TENM2: variants seen among roughly 807,000 people sequenced by gnomAD.
TENM2 encodes the protein teneurin transmembrane protein 2.
A neutral mutation model predicts 245.2 loss-of-function variants in TENM2; 52 were observed. The ratio of observed to expected loss-of-function variants is 0.21; its 90% CI spans 0.17 to 0.27. The LOEUF (loss-of-function observed/expected upper bound fraction) is 0.27. TENM2 is among the 10% of genes least tolerant of loss of function. TENM2 has a pLI of 1.00. For synonymous variants in TENM2, 1,363 were observed against 1,438.9 expected (o/e 0.95, Z 1.19); for missense variants, 3,046 against 3,666.8 (o/e 0.83, Z 4.37).
the TENM2 span, among the ~76,000 whole-genome samples, chr5:167,160,245 A>G: frequency 6.6e-6 from 1 of 152,226 alleles, no homozygotes; most frequent in Admixed American, 6.5e-5. Context: ...CCTGAATCAG[A>G]TAACGCCAAG....
intron 6 of TENM2, among the ~76,000 whole-genome samples, chr5:168,048,704 A>G (rs1788827875): frequency 6.6e-6 from 1 of 152,190 alleles, no homozygotes; most frequent in Non-Finnish European, 1.5e-5. Flanking sequence ...AGAGGTGCAC[A>G]TTAGTCATCC....
At chr5:167,113,842 A>T in the TENM2 span, among the ~76,000 whole-genome samples, 1 of 152,190 alleles carries the variant, frequency 6.6e-6, no homozygotes, top group Non-Finnish European at 1.5e-5. Context: ...TCTGATCCTT[A>T]GTCCTAGAAG....
intron 2 of TENM2, among the ~76,000 whole-genome samples, chr5:167,474,515 T>C (rs1266491053): frequency 3.6e-5 from 4 of 110,742 alleles, no homozygotes; most frequent in Admixed American, 2.3e-4. Flanking sequence ...TTTAAATAAG[T>C]AGACTTTTTT....
At chr5:168,173,877 T>C (rs1759084537) in intron 13 of TENM2, among the ~76,000 whole-genome samples, 1 of 151,986 alleles carries the variant, frequency 6.6e-6, no homozygotes, top group Non-Finnish European at 1.5e-5. Context: ...TAAAAAGGAA[T>C]TAGGCAAGGA....
chr5:167,174,876 T>G, the TENM2 span, among the ~76,000 whole-genome samples: 2 of 139,780 alleles, frequency 1.4e-5, no homozygotes, highest in Non-Finnish European at 1.5e-5. Flanking sequence ...ATATTCAACT[T>G]TTTTTTTTTT....
chr5:167,801,609 G>A (rs183193535), intron 2 of TENM2, among the ~76,000 whole-genome samples: 1 of 152,188 alleles, frequency 6.6e-6, no homozygotes, highest in East Asian at 1.9e-4. Flanking sequence ...TTCAATTTGG[G>A]GACAGGAAAC....
intron 22 of TENM2, 121 bp downstream of exon 24, chr5:168,217,043 G>A (rs1763257473): frequency 8.7e-7 from 1 of 1,152,882 alleles, no homozygotes; most frequent in Non-Finnish European, 1.3e-6. Flanking sequence ...ACAGATCACG[G>A]GGTTGTTTGG....
At chr5:167,203,729 A>T in the TENM2 span, among the ~76,000 whole-genome samples, 3 of 152,152 alleles carry the variant, frequency 2.0e-5, no homozygotes, top group Non-Finnish European at 1.5e-5. Context: ...ATTGGTGCTT[A>T]TCTTAGTTTT....
chr5:167,879,969 TAAAAC>T (rs1291796792), intron 3 of TENM2, among the ~76,000 whole-genome samples: 5 of 152,236 alleles, frequency 3.3e-5, no homozygotes, highest in African/African-American at 4.8e-5. Context: ...TCTGGCATCA[TAAAAC>T]AAATGAGATT....
chr5:167,170,495 C>A, the TENM2 span, among the ~76,000 whole-genome samples: 2 of 152,062 alleles, frequency 1.3e-5, no homozygotes, highest in South Asian at 4.2e-4. Flanking sequence ...TGGTTAAAAT[C>A]ACTAAAAACT....
At chr5:167,241,084 T>G in the TENM2 span, among the ~76,000 whole-genome samples, 1 of 151,836 alleles carries the variant, frequency 6.6e-6, no homozygotes, top group Non-Finnish European at 1.5e-5. Flanking sequence ...TTTTCCTTAT[T>G]ATCTGCTCCA....
At chr5:168,118,575 G>A (rs1455547925) in intron 10 of TENM2, 89 bp downstream of exon 12, 20 of 1,022,916 alleles carry the variant, frequency 2.0e-5, no homozygotes, top group Middle Eastern at 5.8e-4. Flanking sequence ...CCTGGGCTGC[G>A]TGTTTTGCAA....
At chr5:167,496,056 A>G (rs545766531) in intron 2 of TENM2, among the ~76,000 whole-genome samples, 29 of 152,216 alleles carry the variant, frequency 1.9e-4, no homozygotes, top group African/African-American at 7.0e-4. Flanking sequence ...AATATATATG[A>G]TCTTGAACTC....
At chr5:167,890,841 C>T (rs1453137943) in intron 3 of TENM2, among the ~76,000 whole-genome samples, 2 of 152,138 alleles carry the variant, frequency 1.3e-5, no homozygotes, top group Admixed American at 1.3e-4. Context: ...CAATAATCTC[C>T]ATCTCCATGT....
chr5:168,052,959 G>T (rs1789236416), intron 6 of TENM2, among the ~76,000 whole-genome samples: 1 of 152,164 alleles, frequency 6.6e-6, no homozygotes, highest in Admixed American at 6.5e-5. Flanking sequence ...TTGGCTTAAT[G>T]CGTGGTACTA....
intron 2 of TENM2, among the ~76,000 whole-genome samples, chr5:167,407,918 C>A (rs1386867781): frequency 6.6e-6 from 1 of 152,266 alleles, no homozygotes. Context: ...AAAGGAAAAC[C>A]ATCCTCATTT....
chr5:167,667,087 C>A (rs1055925368), intron 2 of TENM2, among the ~76,000 whole-genome samples: 1 of 152,028 alleles, frequency 6.6e-6, no homozygotes, highest in Non-Finnish European at 1.5e-5. Context: ...TTTGTCAATG[C>A]AAAAAAATTC....
chr5:168,157,445 A>G (rs552740557), intron 12 of TENM2, among the ~76,000 whole-genome samples: 1 of 152,274 alleles, frequency 6.6e-6, no homozygotes, highest in East Asian at 1.9e-4. Flanking sequence ...CAGGGAGACC[A>G]GTTAGGAGGT....
At chr5:167,658,167 C>A (rs1754973116) in intron 2 of TENM2, among the ~76,000 whole-genome samples, 1 of 151,708 alleles carries the variant, frequency 6.6e-6, no homozygotes, top group Non-Finnish European at 1.5e-5. Context: ...CTTGCTGTGT[C>A]CTCACATGGC....
Sources: allele counts gnomAD v4.1 joint callset (sites outside exome capture counted in the v4.1 genomes callset), GRCh38; gene constraint gnomAD v4.1.1; transcripts MANE v1.5; gene names NCBI Gene and HGNC (gene_info 2026-07-23, HGNC 2026-07-21).